The following DHRS7B variants were observed in gnomAD, a reference collection of about 807,000 sequenced individuals.
DHRS7B encodes dehydrogenase/reductase 7B.
In DHRS7B, 24 loss-of-function variants were observed where a neutral mutation model predicts 26.4. The observed-to-expected ratio is 0.91, with a 90% CI of 0.66 to 1.28. DHRS7B has a LOEUF of 1.28. DHRS7B is among the 50% of genes most tolerant of loss of function. The pLI is 0.00. For synonymous variants in DHRS7B, 142 were observed against 166.4 expected (o/e 0.85, Z 1.13); for missense variants, 368 against 419.4 (o/e 0.88, Z 1.07).
intron 1 of DHRS7B, chr17:21,166,465 A>C (rs1974115486): frequency 1.0e-6 from 1 of 984,670 alleles, no homozygotes; most frequent in Non-Finnish European, 1.2e-6. Context: ...GGTAGCTGCC[A>C]TCTGAGGTAG....
intron 1 of DHRS7B, among the ~76,000 whole-genome samples, chr17:21,139,567 A>C (rs1328090938): frequency 6.6e-6 from 1 of 151,982 alleles, no homozygotes; most frequent in African/African-American, 2.4e-5. Context: ...CCAGCTACTC[A>C]GGAGGCTAAG....
chr17:21,169,661 A>G (rs560155948), intron 1 of DHRS7B, among the ~76,000 whole-genome samples: 1 of 152,286 alleles, frequency 6.6e-6, no homozygotes, highest in East Asian at 1.9e-4. Context: ...GACAGGCTGC[A>G]TACTTGGCTC....
At chr17:21,136,615 G>A (rs1973348919) in intron 1 of DHRS7B, among the ~76,000 whole-genome samples, 2 of 151,934 alleles carry the variant, frequency 1.3e-5, no homozygotes, top group African/African-American at 4.8e-5. Context: ...GCAGTGGCCC[G>A]ACCTTGGCTC....
chr17:21,156,911 C>CA (rs35192518), intron 1 of DHRS7B, among the ~76,000 whole-genome samples: 107,069 of 139,500 alleles, frequency 0.77, 41,016 homozygotes, highest in Non-Finnish European at 0.82. Flanking sequence ...AATTCTGTCT[C>CA]AAAAAAAAAA....
chr17:21,148,801 A>G (rs1277114039), intron 1 of DHRS7B, among the ~76,000 whole-genome samples: 1 of 152,160 alleles, frequency 6.6e-6, no homozygotes, highest in East Asian at 1.9e-4. Context: ...ATGAAAAGCC[A>G]TGAAGATTGC....
chr17:21,133,995 G>A (rs1216975646), intron 1 of DHRS7B, among the ~76,000 whole-genome samples: 1 of 151,630 alleles, frequency 6.6e-6, no homozygotes, highest in African/African-American at 2.4e-5. Context: ...GCACAGCTTA[G>A]TTTTCAGTGA....
At chr17:21,179,026 C>A (rs561320843) in intron 3 of DHRS7B, among the ~76,000 whole-genome samples, 1 of 152,156 alleles carries the variant, frequency 6.6e-6, no homozygotes. Context: ...CTCACTGCAG[C>A]CTTGAACTCC....
chr17:21,191,073 C>T lies in DHRS7B; in HGVS notation c.898C>T (p.Leu300Phe). The stretch of plus-strand genomic sequence containing the variant: ...CTTACTGCCTTCCTTGGCTGTTTAT[C>T]TTCGAACTCTGGCTCCTGGGCTCTT... ...ADLLPSLAVY[L>F]RTLAPGLFFS... The change falls in exon 7 of 7, where the codon CTT becomes TTT. Residue 300 changes from leucine (L) to phenylalanine (F), a missense_variant. Leu to Phe is a conservative substitution (Grantham distance 22). Coordinates refer to ENST00000395511, the MANE Select transcript of DHRS7B (RefSeq NM_015510.5). 1 of 1,614,232 alleles carries T rather than the reference C, an allele frequency of 6.2e-7. No individual in the cohort carries two copies. The highest frequency in any genetic ancestry group is 8.5e-7 in the Non-Finnish European group (1 of 1,180,054).
chr17:21,188,997 A>T, intron 6 of DHRS7B, 134 bp downstream of exon 6: 1 of 1,215,232 alleles, frequency 8.2e-7, no homozygotes, highest in South Asian at 1.4e-5. Flanking sequence ...AACTTGACAG[A>T]GGTGTTGGTT....
At chr17:21,139,753 A>G (rs1973447420) in intron 1 of DHRS7B, among the ~76,000 whole-genome samples, 1 of 152,126 alleles carries the variant, frequency 6.6e-6, no homozygotes. Context: ...AATTGTTAAG[A>G]CATTTCTAAT....
At chr17:21,147,370 A>G (rs9904746) in intron 1 of DHRS7B, among the ~76,000 whole-genome samples, 6,604 of 152,256 alleles carry the variant, frequency 0.043, 184 homozygotes, top group South Asian at 0.073. Context: ...ATAAGAATAT[A>G]TATTTGGACT....
At chr17:21,161,606 A>C (rs180775874) in intron 1 of DHRS7B, among the ~76,000 whole-genome samples, 2 of 152,314 alleles carry the variant, frequency 1.3e-5, no homozygotes, top group East Asian at 3.9e-4. Flanking sequence ...CCCCAGGAAG[A>C]GGGCCTTGTG....
chr17:21,145,210 G>T (rs918637254), intron 1 of DHRS7B, among the ~76,000 whole-genome samples: 5 of 152,058 alleles, frequency 3.3e-5, no homozygotes, highest in Non-Finnish European at 7.4e-5. Context: ...TGTAGTCCCA[G>T]CTACTCAGGT....
chr17:21,188,929 C>T (rs1332767159), intron 6 of DHRS7B, 66 bp downstream of exon 6: 18 of 1,587,664 alleles, frequency 1.1e-5, no homozygotes, highest in Non-Finnish European at 1.6e-5. Context: ...ACATGCTGCT[C>T]TTACTTCAGT....
chr17:21,185,127 A>G (rs1055724106), intron 5 of DHRS7B, among the ~76,000 whole-genome samples: 2 of 152,046 alleles, frequency 1.3e-5, no homozygotes, highest in African/African-American at 4.8e-5. Context: ...AAATATTTAT[A>G]TCTCTGGGCA....
At chr17:21,133,012 T>C (rs1424067173) in intron 1 of DHRS7B, among the ~76,000 whole-genome samples, 1 of 152,226 alleles carries the variant, frequency 6.6e-6, no homozygotes, top group Non-Finnish European at 1.5e-5. Context: ...TGACTTCACG[T>C]ACTTTTCTTA....
chr17:21,141,737 C>CA (rs1973519626), intron 1 of DHRS7B, among the ~76,000 whole-genome samples: 1 of 146,684 alleles, frequency 6.8e-6, no homozygotes, highest in Admixed American at 6.8e-5. Flanking sequence ...AGGTAAAACT[C>CA]CAAAAAAAAA....
At chr17:21,136,868 T>C (rs1317585381) in intron 1 of DHRS7B, among the ~76,000 whole-genome samples, 3 of 152,120 alleles carry the variant, frequency 2.0e-5, no homozygotes, top group Non-Finnish European at 4.4e-5. Context: ...AAAAAGTTTT[T>C]TAATCTCAGT....
At chr17:21,168,762 G>A (rs766450903) in intron 1 of DHRS7B, 137 of 985,290 alleles carry the variant, frequency 1.4e-4, no homozygotes, top group Non-Finnish European at 1.2e-4. Flanking sequence ...ACAGCGGCCC[G>A]GGCCAAGGAT....
Sources: allele counts gnomAD v4.1 joint callset (sites outside exome capture counted in the v4.1 genomes callset), GRCh38; gene constraint gnomAD v4.1.1; transcripts MANE v1.5; gene names NCBI Gene and HGNC (gene_info 2026-07-23, HGNC 2026-07-21).